The following SORL1 variants were observed in gnomAD, a reference collection of about 807,000 sequenced individuals.
The protein encoded by SORL1 is sortilin related receptor 1, also known as sortilin-related receptor.
In SORL1, 127 loss-of-function variants were observed where a neutral mutation model predicts 273.7. The observed-to-expected ratio is 0.46, with a 90% CI of 0.40 to 0.54. The LOEUF (loss-of-function observed/expected upper bound fraction) is 0.54, where lower values mean the gene tolerates loss of function less well. SORL1 is among the 20% of genes least tolerant of loss of function. SORL1 has a pLI of 0.00. For synonymous variants in SORL1, 1,031 were observed against 1,067.4 expected, an observed-to-expected ratio of 0.97 and a Z score of 0.66; for missense variants, 2,494 against 2,846.1, an observed-to-expected ratio of 0.88 and a Z score of 2.81.
At chr11:121,529,380 C>A (rs2134867643) in intron 11 of SORL1, among the ~76,000 whole-genome samples, 1 of 152,022 alleles carries the variant, frequency 6.6e-6, no homozygotes, top group South Asian at 2.1e-4. Context: ...CCACACCCGG[C>A]TAATTTTTGT....
At chr11:121,577,205 T>C (rs1862943911) in intron 24 of SORL1, 76 bp from the exon 25 acceptor site, 1 of 1,519,448 alleles carries the variant, frequency 6.6e-7, no homozygotes, top group Non-Finnish European at 8.9e-7. Context: ...CCATCCTTTA[T>C]GAGAGCTTTG....
chr11:121,628,044 A>G (rs1863824332), intron 47 of SORL1, among the ~76,000 whole-genome samples: 1 of 152,178 alleles, frequency 6.6e-6, no homozygotes, highest in African/African-American at 2.4e-5. Flanking sequence ...AGTATCGGAA[A>G]ATCCTCAAGA....
At chr11:121,551,407 T>C (rs1284222436) in intron 16 of SORL1, among the ~76,000 whole-genome samples, 3 of 152,248 alleles carry the variant, frequency 2.0e-5, no homozygotes, top group African/African-American at 7.2e-5. Flanking sequence ...GTATAGTGTG[T>C]TCTAAAACAC....
At chr11:121,520,128 C>T (rs1862018041) in intron 8 of SORL1, among the ~76,000 whole-genome samples, 1 of 152,104 alleles carries the variant, frequency 6.6e-6, no homozygotes, top group Non-Finnish European at 1.5e-5. Context: ...TGGCACACAC[C>T]TGTAGTCCCA....
At chr11:121,467,030 C>CTT (rs58596501) in intron 1 of SORL1, among the ~76,000 whole-genome samples, 16,175 of 125,162 alleles carry the variant, frequency 0.13, 1,442 homozygotes, top group African/African-American at 0.18. Context: ...TTCTTTTTTT[C>CTT]TTTTTTTTTT....
rs186749048 is a variant in SORL1 at position 121,581,611 on chromosome 11, A to T, written c.3581-1847A>T. Among the ~76,000 whole-genome samples, 76 of 152,338 alleles carry T rather than the reference A, an allele frequency of 5.0e-4. 1 individual carries two copies. Among genetic ancestry groups the T allele is most frequent in the African/African-American group, 1.8e-3 (76 of 41,566 alleles). On this transcript the variant is annotated intron_variant, in intron 25 of 47. Transcript: ENST00000260197. Reference sequence around the variant, plus strand: ...CACTCAAAATCAGAGCTCATAAGTTACTAAGAAGATAGAAAAATCTAGAAA... The same window carrying T: ...CACTCAAAATCAGAGCTCATAAGTTTCTAAGAAGATAGAAAAATCTAGAAA...
At position 121,554,866 on chromosome 11, in the gene SORL1, A is replaced by G. The variant is rs1862554374; in HGVS notation, c.2440-321A>G. 6.6e-6 allele frequency among the ~76,000 whole-genome samples: 1 copy of G among 152,208 alleles called. No individual in the cohort carries two copies. Among genetic ancestry groups the G allele is most frequent in the Non-Finnish European group, 1.5e-5 (1 of 68,038 alleles). On this transcript the variant is annotated intron_variant, in intron 17 of 47. Coordinates refer to ENST00000260197, the MANE Select transcript of SORL1 (RefSeq NM_003105.6). This position sits in a 1 kb window ranked among gnomAD's most constrained non-coding sequence, Gnocchi z 4.6. Reference sequence around the variant, plus strand: ...CTGGTTTCACTTATTTTAAAAGCAAACAGACTCATACAATCTCAGTAATCT... The same window carrying G: ...CTGGTTTCACTTATTTTAAAAGCAAGCAGACTCATACAATCTCAGTAATCT...
chr11:121,523,512 T>C (rs1053080670), intron 11 of SORL1, among the ~76,000 whole-genome samples: 3 of 152,174 alleles, frequency 2.0e-5, no homozygotes, highest in Non-Finnish European at 2.9e-5. Flanking sequence ...GTATAACTAA[T>C]ATCGATGCTG....
At chr11:121,474,041 G>GA (rs1268850835) in intron 2 of SORL1, among the ~76,000 whole-genome samples, 1 of 152,226 alleles carries the variant, frequency 6.6e-6, no homozygotes, top group Non-Finnish European at 1.5e-5. Flanking sequence ...TGCTAACAGA[G>GA]GGAGGCCGAT....
intron 6 of SORL1, among the ~76,000 whole-genome samples, chr11:121,500,705 T>A (rs1176699163): frequency 6.6e-6 from 1 of 152,212 alleles, no homozygotes; most frequent in Non-Finnish European, 1.5e-5. Context: ...ATCAGGTAAC[T>A]GGAATCGCAA....
At position 121,518,951 on chromosome 11, in the gene SORL1, C is replaced by CT. The variant is rs60120156; in HGVS notation, c.1212-1691dup. ...CAAGCTTCCAGTCTTTTTTCTTTTTCTTTTTTTTTTTTTTTGAGTTGGAGT... is the reference window on the plus strand; with the variant it reads ...CAAGCTTCCAGTCTTTTTTCTTTTTCTTTTTTTTTTTTTTTTGAGTTGGAGT... On this transcript the variant is annotated intron_variant, in intron 8 of 47. Transcript: ENST00000260197. Among the ~76,000 whole-genome samples the CT allele has an allele frequency of 4.4e-3, 606 of 138,640 alleles. 4 individuals carry two copies. Among genetic ancestry groups the CT allele is most frequent in the African/African-American group, 5.1e-3 (193 of 37,724 alleles). The allele number at this position is 138,640 out of a possible 152,430, so 91.0% of individuals were successfully genotyped here. A position where few individuals can be genotyped will look rare whatever the true frequency, so the allele number is the denominator to read the frequency against.
At chr11:121,460,153 C>T (rs562679179) in intron 1 of SORL1, among the ~76,000 whole-genome samples, 1 of 152,126 alleles carries the variant, frequency 6.6e-6, no homozygotes, top group Non-Finnish European at 1.5e-5. Flanking sequence ...TATCTCCCCC[C>T]CTTTCTGGGG....
chr11:121,452,703 C>G lies in SORL1; in HGVS notation c.285+87C>G, dbSNP rs550600382. 1.6e-6 allele frequency: 2 copies of G among 1,243,318 alleles called. No individual in the cohort carries two copies. Among genetic ancestry groups the G allele is most frequent in the Non-Finnish European group, 1.0e-6 (1 of 955,806 alleles). 77.0% of individuals were successfully genotyped at this position (1,243,318 alleles called of 1,614,324 possible). A position where few individuals can be genotyped will look rare whatever the true frequency, so the allele number is the denominator to read the frequency against. On this transcript the variant is annotated intron_variant, in intron 1 of 47. Coordinates refer to ENST00000260197, the MANE Select transcript of SORL1 (RefSeq NM_003105.6). This position sits in a 1 kb window ranked among gnomAD's most constrained non-coding sequence, Gnocchi z 5.3. The stretch of plus-strand genomic sequence containing the variant: ...CGCATCCATCCGTTGCAGTCGCCTC[C>G]TAGGTGCAGGCACCACTGGGGACTT...
At chr11:121,620,187 A>G (rs547580494) in intron 43 of SORL1, among the ~76,000 whole-genome samples, 9 of 152,294 alleles carry the variant, frequency 5.9e-5, no homozygotes, top group Non-Finnish European at 1.5e-5. Flanking sequence ...ACCCTCTCAC[A>G]CAGGGATTAG....
At chr11:121,609,376 C>G (rs1203524983) in intron 38 of SORL1, 1 of 152,206 alleles carries the variant, frequency 6.6e-6, no homozygotes, top group African/African-American at 2.4e-5. Flanking sequence ...TCACACTCTC[C>G]TAGAATTTTT....
In SORL1 at chr11:121,464,243, A is replaced by G. The variant is rs150598202; in HGVS notation, c.286-5764A>G. 4.7e-3 allele frequency among the ~76,000 whole-genome samples: 717 copies of G among 152,148 alleles called. 5 individuals carry two copies. Among genetic ancestry groups the G allele is most frequent in the African/African-American group, 0.017 (691 of 41,488 alleles). On this transcript the variant is annotated intron_variant, in intron 1 of 47. Coordinates refer to ENST00000260197, the MANE Select transcript of SORL1 (RefSeq NM_003105.6). The stretch of plus-strand genomic sequence containing the variant: ...TGACCAATTTGAAAGAGGTGTAGAG[A>G]GGGTACCTGTGACCCATTCTATTCA...
chr11:121,552,386 C>T (rs1862519682), intron 16 of SORL1, among the ~76,000 whole-genome samples: 1 of 152,196 alleles, frequency 6.6e-6, no homozygotes, highest in African/African-American at 2.4e-5. Context: ...GCATGCTGCT[C>T]TGAACATAAT....
At chr11:121,457,706 G>A (rs561471365) in intron 1 of SORL1, among the ~76,000 whole-genome samples, 223 of 152,288 alleles carry the variant, frequency 1.5e-3, no homozygotes, top group South Asian at 3.1e-3. Flanking sequence ...GCCTGATGTA[G>A]CCCCCTTGTA....
At chr11:121,530,058 A>C (rs1173925713) in intron 11 of SORL1, among the ~76,000 whole-genome samples, 2 of 152,114 alleles carry the variant, frequency 1.3e-5, no homozygotes, top group Non-Finnish European at 2.9e-5. Flanking sequence ...CTTAACGTAA[A>C]ATTTAGAACC....
Sources: allele counts gnomAD v4.1 joint callset (sites outside exome capture counted in the v4.1 genomes callset), GRCh38; gene constraint gnomAD v4.1.1; non-coding constraint Gnocchi (gnomAD v3.1); transcripts MANE v1.5; gene names NCBI Gene and HGNC (gene_info 2026-07-23, HGNC 2026-07-21).